XPNPEP3: variants seen among roughly 807,000 people sequenced by gnomAD.
The protein encoded by XPNPEP3 is X-prolyl aminopeptidase 3.
A neutral mutation model predicts 60.0 loss-of-function variants in XPNPEP3; 41 were observed. That is an observed-to-expected ratio of 0.68 (90% confidence interval 0.53 to 0.89). The LOEUF is 0.89. Among genes scored for constraint, XPNPEP3 ranks in the 40% least tolerant of loss-of-function variants. The pLI, the probability that XPNPEP3 is intolerant of heterozygous loss-of-function variation, is 0.00. For missense variants in XPNPEP3, 598 were observed against 638.9 expected (o/e 0.94, Z 0.69); for synonymous variants, 212 against 223.2 (o/e 0.95, Z 0.45).
intron 3 of XPNPEP3, among the ~76,000 whole-genome samples, chr22:40,883,701 A>G (rs1275061057): frequency 6.6e-6 from 1 of 152,132 alleles, no homozygotes; most frequent in African/African-American, 2.4e-5. Context: ...TACTTTCTCT[A>G]CAGTTATTCT....
chr22:40,906,595 A>C (rs2058156532), intron 4 of XPNPEP3, among the ~76,000 whole-genome samples: 1 of 152,196 alleles, frequency 6.6e-6, no homozygotes, highest in Admixed American at 6.5e-5. Context: ...TACATTGAAC[A>C]GGACAGCTCT....
At chr22:40,862,064 C>T (rs902318192) in intron 1 of XPNPEP3, 52 of 1,525,018 alleles carry the variant, frequency 3.4e-5, no homozygotes, top group Non-Finnish European at 3.5e-5. Flanking sequence ...TCAGGCTCTG[C>T]TGGTGGTGGT....
intron 7 of XPNPEP3, 127 bp downstream of exon 7, chr22:40,914,451 C>G: frequency 5.1e-6 from 4 of 788,474 alleles, no homozygotes; most frequent in Non-Finnish European, 8.6e-6. Flanking sequence ...GGTTGCAAAG[C>G]TCCTTATTAT....
chr22:40,858,150 A>G (rs916895705), intron 1 of XPNPEP3, among the ~76,000 whole-genome samples: 1 of 152,224 alleles, frequency 6.6e-6, no homozygotes, highest in Non-Finnish European at 1.5e-5. Flanking sequence ...TCTGTTGCTC[A>G]GACTGGAGTG....
At chr22:40,920,490 A>G (rs1464168692) in intron 7 of XPNPEP3, among the ~76,000 whole-genome samples, 1 of 152,200 alleles carries the variant, frequency 6.6e-6, no homozygotes, top group Admixed American at 6.6e-5. Context: ...CAGGGTTTAT[A>G]TTATAGTCTT....
At position 40,886,430 on chromosome 22, in the gene XPNPEP3, T is replaced by C; in HGVS notation, c.707T>C (p.Val236Ala). 1 of 1,614,122 alleles carries C rather than the reference T, an allele frequency of 6.2e-7. No individual in the cohort carries two copies. Among genetic ancestry groups the C allele is most frequent in the Non-Finnish European group, 8.5e-7 (1 of 1,180,022 alleles). The change falls in exon 4 of 10, where the codon GTT becomes GCT. Residue 236 changes from valine to alanine, a missense_variant. Transcript: ENST00000357137. ...AAGAGCAAGAACAAGGTTCGGGGTG[T>C]TCAGCAGCTGATACAGCGCCTCCGG... ...KAKSKNKVRG[V>A]QQLIQRLRLI...
chr22:40,900,494 T>C (rs2058127718), intron 4 of XPNPEP3, among the ~76,000 whole-genome samples: 1 of 151,776 alleles, frequency 6.6e-6, no homozygotes. Flanking sequence ...TAATCCCAGC[T>C]ACTGGGGAGG....
At chr22:40,858,680 C>T (rs542964487) in intron 1 of XPNPEP3, among the ~76,000 whole-genome samples, 6 of 149,890 alleles carry the variant, frequency 4.0e-5, no homozygotes, top group East Asian at 2.0e-4. Flanking sequence ...TACAGGCGCC[C>T]GCCACCACGC....
chr22:40,915,198 C>T (rs1431174639), intron 7 of XPNPEP3, among the ~76,000 whole-genome samples: 3 of 151,960 alleles, frequency 2.0e-5, no homozygotes, highest in East Asian at 1.9e-4. Flanking sequence ...CTACAGGCAC[C>T]CACCACCACG....
intron 6 of XPNPEP3, 101 bp downstream of exon 6, chr22:40,909,336 C>T: frequency 1.1e-6 from 1 of 923,256 alleles, no homozygotes; most frequent in East Asian, 2.4e-5. Flanking sequence ...CACAAATTAG[C>T]TGACATTTTA....
intron 4 of XPNPEP3, 73 bp downstream of exon 4, chr22:40,886,588 G>A (rs560776705): frequency 2.9e-4 from 418 of 1,417,776 alleles, no homozygotes; most frequent in Non-Finnish European, 3.9e-4. Flanking sequence ...CACTTTGGGA[G>A]GCCGAGGCAG....
intron 2 of XPNPEP3, among the ~76,000 whole-genome samples, chr22:40,871,509 C>T (rs2145776746): frequency 6.6e-6 from 1 of 152,222 alleles, no homozygotes; most frequent in South Asian, 2.1e-4. Flanking sequence ...ATCTCAATGC[C>T]TTTCCTAATT....
chr22:40,885,095 A>C (rs768134598), intron 3 of XPNPEP3, among the ~76,000 whole-genome samples: 46 of 152,162 alleles, frequency 3.0e-4, no homozygotes, highest in Admixed American at 2.0e-4. Flanking sequence ...TTTCCCATGT[A>C]GTATATATTT....
intron 2 of XPNPEP3, among the ~76,000 whole-genome samples, chr22:40,879,861 T>C (rs924201780): frequency 4.8e-5 from 7 of 146,482 alleles, no homozygotes; most frequent in African/African-American, 1.8e-4. Flanking sequence ...TAGCAATAAA[T>C]AAATAAAAAT....
intron 4 of XPNPEP3, among the ~76,000 whole-genome samples, chr22:40,901,777 T>G (rs1340716909): frequency 2.0e-5 from 3 of 152,154 alleles, no homozygotes; most frequent in African/African-American, 7.2e-5. Context: ...ATGACTCCAT[T>G]TATATGAAAT....
chr22:40,873,075 GTTTTCTTTTTCT>G (rs779752982), intron 2 of XPNPEP3, among the ~76,000 whole-genome samples: 81 of 117,588 alleles, frequency 6.9e-4, no homozygotes, highest in Non-Finnish European at 1.2e-3. Flanking sequence ...CTTCATGGTT[GTTTTCTTTTTCT>G]TTTTCTTTTT....
Position 40,866,347 on chromosome 22 carries a change from C to T in XPNPEP3, c.65-2652C>T, listed in dbSNP as rs561826962. On this transcript the variant is annotated intron_variant, in intron 1 of 9. Transcript: ENST00000357137. ...GGTATTAAAATAGAAATCATAGGAG[C>T]GTTGGGGAAGACATCTGAAACAAGC... Among the ~76,000 whole-genome samples the T allele has an allele frequency of 6.7e-4, 102 of 151,664 alleles. No individual in the cohort carries two copies. In the Middle Eastern group the frequency reaches 0.014, roughly 20 times the overall value.
At chr22:40,889,445 A>G (rs1254962093) in intron 4 of XPNPEP3, among the ~76,000 whole-genome samples, 1 of 152,222 alleles carries the variant, frequency 6.6e-6, no homozygotes, top group East Asian at 1.9e-4. Flanking sequence ...CTCTACCCCC[A>G]TAACCAACAT....
chr22:40,918,050 CAAAT>C (rs2058203036), intron 7 of XPNPEP3, among the ~76,000 whole-genome samples: 1 of 146,610 alleles, frequency 6.8e-6, no homozygotes, highest in African/African-American at 2.5e-5. Flanking sequence ...ACAGTACACA[CAAAT>C]AAAAAAAATC....
Sources: allele counts gnomAD v4.1 joint callset (sites outside exome capture counted in the v4.1 genomes callset), GRCh38; gene constraint gnomAD v4.1.1; transcripts MANE v1.5; gene names NCBI Gene and HGNC (gene_info 2026-07-23, HGNC 2026-07-21).